SYT1: variants seen among roughly 807,000 people sequenced by gnomAD.
The protein encoded by SYT1 is synaptotagmin-1.
SYT1 carries 8 observed loss-of-function variants against 44.8 expected under a neutral mutation model. The ratio of observed to expected loss-of-function variants is 0.18; its 90% CI spans 0.10 to 0.32. The LOEUF (loss-of-function observed/expected upper bound fraction) is 0.32, where lower values mean the gene tolerates loss of function less well. Among genes scored for constraint, SYT1 ranks in the 10% least tolerant of loss-of-function variants. SYT1 has a pLI of 1.00. For synonymous variants in SYT1, 154 were observed against 188.8 expected (o/e 0.82, Z 1.51); for missense variants, 286 against 509.3 (o/e 0.56, Z 4.22).
intron 1 of SYT1, among the ~76,000 whole-genome samples, chr12:78,975,349 G>C (rs1030366701): frequency 6.6e-6 from 1 of 152,176 alleles, no homozygotes; most frequent in African/African-American, 2.4e-5. Flanking sequence ...AAGGGGTGGA[G>C]GCAGTTGTTT....
intron 3 of SYT1, among the ~76,000 whole-genome samples, chr12:79,055,075 G>C (rs1423580560): frequency 6.6e-6 from 1 of 151,806 alleles, no homozygotes; most frequent in Non-Finnish European, 1.5e-5. Flanking sequence ...ATTAACTATG[G>C]GATGTAGGAC....
intron 1 of SYT1, among the ~76,000 whole-genome samples, chr12:78,877,448 A>C (rs1477732716): frequency 6.6e-6 from 1 of 151,694 alleles, no homozygotes; most frequent in Non-Finnish European, 1.5e-5. Context: ...GGACACAGCT[A>C]AACCATATCA....
chr12:79,116,959 G>C (rs1195646532), intron 3 of SYT1, among the ~76,000 whole-genome samples: 1 of 152,176 alleles, frequency 6.6e-6, no homozygotes, highest in East Asian at 1.9e-4. Flanking sequence ...TCTCCAAATA[G>C]AGAAGCACTG....
intron 2 of SYT1, among the ~76,000 whole-genome samples, chr12:79,039,909 G>T (rs1185440031): frequency 6.9e-6 from 1 of 144,180 alleles, no homozygotes. Context: ...TACTGAGAAT[G>T]ATGATTTCCA....
At chr12:79,301,918 G>A (rs1449681303) in intron 8 of SYT1, among the ~76,000 whole-genome samples, 1 of 152,106 alleles carries the variant, frequency 6.6e-6, no homozygotes, top group Non-Finnish European at 1.5e-5. Context: ...CAGATGTCTA[G>A]CTTACAAAGT....
At chr12:78,927,915 C>A (rs1360507654) in intron 1 of SYT1, among the ~76,000 whole-genome samples, 3 of 152,134 alleles carry the variant, frequency 2.0e-5, no homozygotes, top group Non-Finnish European at 4.4e-5. Flanking sequence ...TTTCCCTATG[C>A]TTTCACTCAA....
At chr12:79,382,408 C>A (rs1055496267) in intron 9 of SYT1, among the ~76,000 whole-genome samples, 6 of 151,990 alleles carry the variant, frequency 3.9e-5, no homozygotes, top group Non-Finnish European at 8.8e-5. Flanking sequence ...AATTTATATT[C>A]AAAAATACAC....
chr12:79,160,082 A>G (rs1870855522), intron 3 of SYT1, among the ~76,000 whole-genome samples: 1 of 152,178 alleles, frequency 6.6e-6, no homozygotes, highest in Admixed American at 6.6e-5. Context: ...AGAAATGATC[A>G]TGTTTTAAGA....
chr12:79,052,749 T>A (rs1874607295), intron 3 of SYT1, among the ~76,000 whole-genome samples: 1 of 152,054 alleles, frequency 6.6e-6, no homozygotes, highest in South Asian at 2.1e-4. Flanking sequence ...AACAGACACA[T>A]GAAAAAATGC....
At position 78,956,868 on chromosome 12, in the gene SYT1, A is replaced by G. The variant is rs145223894; in HGVS notation, c.-216-20931A>G. On this transcript the variant is annotated intron_variant, in intron 1 of 10. Transcript: ENST00000261205. The stretch of plus-strand genomic sequence containing the variant: ...GCAGTTAAATGGAGTCTATTTTTCA[A>G]AACCCATCTAGGCCATAAAGCCTTT... 4.0e-3 allele frequency among the ~76,000 whole-genome samples: 605 copies of G among 152,250 alleles called. 2 individuals carry two copies. The highest frequency in any genetic ancestry group is 6.1e-3 in the Non-Finnish European group (416 of 68,004).
chr12:79,099,851 C>T (rs1301932666), intron 3 of SYT1, among the ~76,000 whole-genome samples: 1 of 152,096 alleles, frequency 6.6e-6, no homozygotes, highest in Non-Finnish European at 1.5e-5. Flanking sequence ...AGCACTAATA[C>T]TCTGTACTCC....
At chr12:79,024,761 T>C (rs928944170) in intron 2 of SYT1, among the ~76,000 whole-genome samples, 11 of 151,822 alleles carry the variant, frequency 7.2e-5, no homozygotes, top group Non-Finnish European at 4.4e-5. Flanking sequence ...TTGGTATATC[T>C]GACATACTAT....
intron 2 of SYT1, among the ~76,000 whole-genome samples, chr12:78,992,738 T>C (rs1870103093): frequency 6.6e-6 from 1 of 152,172 alleles, no homozygotes; most frequent in South Asian, 2.1e-4. Flanking sequence ...GCAGTGATGA[T>C]CTTCAGGGTC....
At chr12:78,931,308 AGAGGG>A (rs1565723718) in intron 1 of SYT1, among the ~76,000 whole-genome samples, 6 of 27,608 alleles carry the variant, frequency 2.2e-4, no homozygotes, top group Admixed American at 3.5e-4. Context: ...GGAAGGAAGG[AGAGGG>A]AGGGAGGGAG....
intron 9 of SYT1, among the ~76,000 whole-genome samples, chr12:79,421,713 T>G (rs1039173290): frequency 7.8e-6 from 1 of 128,856 alleles, no homozygotes; most frequent in Non-Finnish European, 1.5e-5. Flanking sequence ...TGTTTTCTGT[T>G]TTTTTTTTTT....
chr12:79,181,495 C>T (rs1220432317), intron 3 of SYT1, among the ~76,000 whole-genome samples: 2 of 151,980 alleles, frequency 1.3e-5, no homozygotes, highest in Non-Finnish European at 2.9e-5. Flanking sequence ...ACTCAAAATA[C>T]AATCTTCTCT....
chr12:79,031,810 G>A lies in SYT1; in HGVS notation c.-83-15487G>A, dbSNP rs556852221. Among the ~76,000 whole-genome samples the A allele has an allele frequency of 1.6e-3, 248 of 151,188 alleles. 1 individual carries two copies. The highest frequency in any genetic ancestry group is 5.8e-3 in the African/African-American group (240 of 41,410). ...TTTGGAAATCCTAATCATGGGAAAT[G>A]TCTAGAATATATGCCCACATATGGC... On this transcript the variant is annotated intron_variant, in intron 2 of 10. Transcript: ENST00000261205.
chr12:79,382,796 G>A (rs1884280950), intron 9 of SYT1, among the ~76,000 whole-genome samples: 1 of 152,132 alleles, frequency 6.6e-6, no homozygotes, highest in Non-Finnish European at 1.5e-5. Flanking sequence ...AGAGATTCTT[G>A]GATTGTGATG....
chr12:79,399,391 T>C (rs1174490088), intron 9 of SYT1, among the ~76,000 whole-genome samples: 1 of 151,852 alleles, frequency 6.6e-6, no homozygotes, highest in Admixed American at 6.6e-5. Flanking sequence ...TCAGATATGA[T>C]ATTCCTGTTA....
Sources: gnomAD v4.1 joint callset for allele counts (sites outside exome capture counted in the v4.1 genomes callset) on GRCh38, gnomAD v4.1.1 for gene constraint, MANE v1.5 for transcripts, NCBI Gene and HGNC (gene_info 2026-07-23, HGNC 2026-07-21) for gene names.